The following SDF2 variants were observed in gnomAD, a reference collection of about 807,000 sequenced individuals.
The protein encoded by SDF2 is stromal cell derived factor 2, also known as stromal cell-derived factor 2.
Under a neutral mutation model 20.5 loss-of-function variants are expected in SDF2, and 12 were observed. The observed-to-expected ratio is 0.58, with a 90% confidence interval of 0.37 to 0.95. The LOEUF (loss-of-function observed/expected upper bound fraction) is 0.95. SDF2 is among the 40% of genes least tolerant of loss of function. The probability of loss-of-function intolerance (pLI) is 0.01; values close to 1 mark genes in which losing one functional copy is unlikely to be tolerated. For synonymous variants in SDF2, 100 were observed against 101.0 expected (o/e 0.99, Z 0.06); for missense variants, 238 against 263.1 (o/e 0.90, Z 0.66).
chr17:28,660,470 A>T (rs930916076), intron 1 of SDF2: 1 of 152,280 alleles, frequency 6.6e-6, no homozygotes, highest in Non-Finnish European at 1.5e-5. Context: ...CTCAGCACAG[A>T]TCCCTTTTCT....
rs188416297 is a variant in SDF2 at position 28,659,885 on chromosome 17, C to T, written c.151+1841G>A. Among the ~76,000 whole-genome samples, 20 of 152,358 alleles carry T rather than the reference C, an allele frequency of 1.3e-4. No homozygotes were observed. In the East Asian group the frequency reaches 3.5e-3, roughly 26 times the overall value. ...CTCTTAGCACTTTGGGAGGCCAAGGCAGGCGGCTGGGAGGTGGAAGTTGTA... is the reference window on the plus strand; with the variant it reads ...CTCTTAGCACTTTGGGAGGCCAAGGTAGGCGGCTGGGAGGTGGAAGTTGTA... On this transcript the variant is annotated intron_variant, in intron 1 of 2. Transcript: ENST00000247020.
intron 2 of SDF2, among the ~76,000 whole-genome samples, chr17:28,654,255 C>A (rs566688405): frequency 6.6e-6 from 1 of 151,948 alleles, no homozygotes; most frequent in African/African-American, 2.4e-5. Context: ...TGAGCAAGAT[C>A]ACACTACAAC....
intron 1 of SDF2, 59 bp downstream of exon 1, chr17:28,661,667 C>T: frequency 1.3e-6 from 2 of 1,562,750 alleles, no homozygotes; most frequent in South Asian, 2.3e-5. Context: ...CTATAGGCCC[C>T]GCCCCTCCAG....
At chr17:28,658,140 T>G (rs1355780235) in intron 1 of SDF2, among the ~76,000 whole-genome samples, 1 of 152,196 alleles carries the variant, frequency 6.6e-6, no homozygotes, top group Admixed American at 6.5e-5. Context: ...GGTCTACATT[T>G]TGTCTCCTAC....
In SDF2 at chr17:28,657,053, C is replaced by T. The variant is rs148773251; in HGVS notation, c.152-1570G>A. ...ACCAGCCTGGCCAATATGGTGAAAC[C>T]CCGTCTCTACTAAAAATATAAAAAT... On this transcript the variant is annotated intron_variant, in intron 1 of 2. Coordinates refer to ENST00000247020, the MANE Select transcript of SDF2 (RefSeq NM_006923.4). Among the ~76,000 whole-genome samples the T allele has an allele frequency of 3.8e-3, 583 of 151,962 alleles. 5 individuals are homozygous for T. Among genetic ancestry groups the T allele is most frequent in the African/African-American group, 0.014 (563 of 41,430 alleles).
At chr17:28,657,287 G>A (rs2071972201) in intron 1 of SDF2, among the ~76,000 whole-genome samples, 1 of 152,044 alleles carries the variant, frequency 6.6e-6, no homozygotes, top group Non-Finnish European at 1.5e-5. Context: ...AGTGGCTCAT[G>A]CCTGTAATCC....
At chr17:28,654,795 CAAAA>C (rs56971516) in intron 2 of SDF2, among the ~76,000 whole-genome samples, 2 of 146,392 alleles carry the variant, frequency 1.4e-5, no homozygotes, top group Admixed American at 6.8e-5. Context: ...ACTAAAAATA[CAAAA>C]AAAAAAATTA....
chr17:28,655,181 A>G (rs896938607), intron 2 of SDF2, 106 bp downstream of exon 2: 18 of 1,118,648 alleles, frequency 1.6e-5, no homozygotes, highest in Admixed American at 8.0e-5. Flanking sequence ...GGTCTGCACA[A>G]AAGAGAACAT....
intron 1 of SDF2, among the ~76,000 whole-genome samples, chr17:28,659,517 C>T (rs575265454): frequency 1.4e-5 from 2 of 145,010 alleles, no homozygotes; most frequent in Non-Finnish European, 3.0e-5. Context: ...GGGCAGCCCA[C>T]TTCCCAGATG....
chr17:28,652,194 AAAAG>A (rs1310090079), intron 2 of SDF2, among the ~76,000 whole-genome samples: 3 of 152,178 alleles, frequency 2.0e-5, no homozygotes, highest in South Asian at 2.1e-4. Flanking sequence ...AAAAAAAAGA[AAAAG>A]AAAAAGAAAG....
chr17:28,649,931 A>G (rs2071899310), intron 2 of SDF2, among the ~76,000 whole-genome samples: 1 of 149,268 alleles, frequency 6.7e-6, no homozygotes, highest in South Asian at 2.1e-4. Flanking sequence ...GCTGCTTTCC[A>G]GTGTTGTTAT....
At chr17:28,661,657 C>G in intron 1 of SDF2, 69 bp downstream of exon 1, 1 of 1,534,810 alleles carries the variant, frequency 6.5e-7, no homozygotes, top group South Asian at 1.2e-5. Flanking sequence ...GTCAGATATT[C>G]TATAGGCCCC....
At chr17:28,662,026 G>A (rs1269860922), upstream of SDF2, 2 of 836,930 alleles carry the variant, frequency 2.4e-6, no homozygotes, top group Non-Finnish European at 1.8e-6. Flanking sequence ...CTGAGAAACC[G>A]GCTGAGCCTG....
chr17:28,650,380 AG>A (rs546796286), intron 2 of SDF2, among the ~76,000 whole-genome samples: 7 of 152,280 alleles, frequency 4.6e-5, no homozygotes, highest in Admixed American at 4.6e-4. Context: ...TCAAAAAGAA[AG>A]GAAAAAAAAA....
Position 28,649,095 on chromosome 17 carries a change from T to C in SDF2, c.530A>G (p.His177Arg), listed in dbSNP as rs766623300. The C allele has an allele frequency of 6.8e-6, 11 of 1,614,134 alleles. No individual in the cohort carries two copies. The highest frequency in any genetic ancestry group is 9.3e-6 in the Non-Finnish European group (11 of 1,180,066). ...GTTCTGACTTGGCTGGGCCATGCCA[T>C]GCACCTCTTTTTGCCCACTGATAGG... ...GRPISGQKEV[H>R]GMAQPSQNNY... is the part of the protein sequence containing the mutation. Residue 177 changes from histidine (H) to arginine (R), a missense_variant, in exon 3 of 3, where the codon CAT (histidine) becomes CGT (arginine). His to Arg is a conservative substitution (Grantham distance 29, BLOSUM62 0). Coordinates refer to ENST00000247020, the MANE Select transcript of SDF2 (RefSeq NM_006923.4).
chr17:28,655,239 C>A, intron 2 of SDF2, 48 bp downstream of exon 2: 2 of 1,548,850 alleles, frequency 1.3e-6, no homozygotes, highest in Non-Finnish European at 1.8e-6. Flanking sequence ...CAAACAAGCA[C>A]CCACTGAGTA....
In SDF2 at chr17:28,648,579, A is replaced by C; in HGVS notation, c.*410T>G. On this transcript the variant is annotated 3_prime_UTR_variant, in exon 3 of 3. Coordinates refer to ENST00000247020, the MANE Select transcript of SDF2 (RefSeq NM_006923.4). ...GAAATAGCACACCTAATAAATAACA[A>C]CACAGTGACTCATAATAAAATTATT... 2 of 207,096 alleles carry C rather than the reference A, an allele frequency of 9.7e-6. No individual in the cohort carries two copies. The highest frequency in any genetic ancestry group is 1.8e-4 in the South Asian group (2 of 11,278). The allele number at this position is 207,096 out of a possible 1,614,324, so 12.8% of individuals were successfully genotyped here. A position where few individuals can be genotyped will look rare whatever the true frequency, so the allele number is the denominator to read the frequency against.
chr17:28,649,167 G>A lies in SDF2; in HGVS notation c.458C>T (p.Ser153Phe). Residue 153 changes from serine to phenylalanine, a missense_variant, in exon 3 of 3, where the codon TCT becomes TTT. By Grantham distance (155) the Ser-to-Phe change is radical. Coordinates refer to ENST00000247020, the MANE Select transcript of SDF2 (RefSeq NM_006923.4). ...VRDGEVRFKH[S>F]STEVLLSVTG... is the part of the protein sequence containing the mutation. ...GACAGACAGCAGTACCTCAGTGGAA[G>A]AGTGTTTGAACCGCACCTCACCATC... The A allele has an allele frequency of 6.2e-7, 1 of 1,614,220 alleles. No individual in the cohort carries two copies. The highest frequency in any genetic ancestry group is 8.5e-7 in the Non-Finnish European group (1 of 1,180,052).
intron 2 of SDF2, among the ~76,000 whole-genome samples, chr17:28,654,222 A>G (rs2071936776): frequency 6.6e-6 from 1 of 152,088 alleles, no homozygotes; most frequent in Non-Finnish European, 1.5e-5. Context: ...GAATTGCTTG[A>G]GCCCAGGAGG....
Sources: gnomAD v4.1 joint callset for allele counts (sites outside exome capture counted in the v4.1 genomes callset) on GRCh38, gnomAD v4.1.1 for gene constraint, MANE v1.5 for transcripts, NCBI Gene and HGNC (gene_info 2026-07-23, HGNC 2026-07-21) for gene names.